Variants in GOSR2 observed in about 807,000 individuals in gnomAD.
GOSR2 encodes the protein 27 kDa Golgi SNARE protein.
In GOSR2, 20 loss-of-function variants were observed where a neutral mutation model predicts 27.9. The ratio of observed to expected loss-of-function variants is 0.72; its 90% confidence interval spans 0.50 to 1.04. The LOEUF is 1.04. Ranked by LOEUF, GOSR2 falls within the 50% of genes least tolerant of loss-of-function variation. GOSR2 has a pLI of 0.00. For missense variants in GOSR2, 261 were observed against 270.5 expected (o/e 0.97, Z 0.25); for synonymous variants, 91 against 98.8 (o/e 0.92, Z 0.47).
downstream of GOSR2, among the ~76,000 whole-genome samples, chr17:46,942,612 C>T (rs955242857): frequency 9.2e-5 from 14 of 152,204 alleles, no homozygotes; most frequent in African/African-American, 3.1e-4. Flanking sequence ...GCAGACCCTT[C>T]AGATAGTATA....
intron 5 of GOSR2, chr17:46,936,314 A>AGTG: frequency 2.0e-6 from 2 of 985,396 alleles, no homozygotes; most frequent in Non-Finnish European, 2.4e-6. Context: ...ATGAAGAGCC[A>AGTG]GTGGGGGTTA....
At position 46,939,114 on chromosome 17, in the gene GOSR2, G is replaced by C; in HGVS notation, c.*354G>C. ...CACAGTGAGCCCTGTGTGCAGGACT[G>C]TCCACACGGTTCACACCTTGTCACC... On this transcript the variant is annotated 3_prime_UTR_variant, in exon 6 of 6. Coordinates refer to ENST00000640051, the MANE Select transcript of GOSR2 (RefSeq NM_004287.5). 1 of 1,186,184 alleles carries C rather than the reference G, an allele frequency of 8.4e-7. No homozygotes were observed. Among genetic ancestry groups the C allele is most frequent in the Non-Finnish European group, 1.1e-6 (1 of 941,472 alleles). The allele number at this position is 1,186,184 out of a possible 1,614,324, so 73.5% of individuals were successfully genotyped here. A position where few individuals can be genotyped will look rare whatever the true frequency, so the allele number is the denominator to read the frequency against.
intron 6 of GOSR2, among the ~76,000 whole-genome samples, chr17:46,962,596 T>G (rs1192153023): frequency 6.6e-6 from 1 of 152,182 alleles, no homozygotes; most frequent in African/African-American, 2.4e-5. Context: ...CTAGACTGTG[T>G]GGAGAAGCCA....
At chr17:46,926,904 A>C (rs1186711700) in intron 1 of GOSR2, among the ~76,000 whole-genome samples, 4 of 152,300 alleles carry the variant, frequency 2.6e-5, no homozygotes, top group Middle Eastern at 3.4e-3. Flanking sequence ...GTATGCCAGA[A>C]CCTCTCTAGG....
intron 5 of GOSR2, chr17:46,936,095 C>T (rs2088289323): frequency 4.1e-6 from 4 of 985,888 alleles, no homozygotes; most frequent in East Asian, 1.1e-4. Flanking sequence ...TGACACTCAC[C>T]TCCTGCTGAC....
At position 46,939,593 on chromosome 17, in the gene GOSR2, A is replaced by G. The variant is rs1282338461; in HGVS notation, c.*833A>G. On this transcript the variant is annotated 3_prime_UTR_variant, in exon 6 of 6. Coordinates refer to ENST00000640051, the MANE Select transcript of GOSR2 (RefSeq NM_004287.5). The stretch of plus-strand genomic sequence containing the variant: ...GTAGGCAAAGATTTGTGATTTTCCA[A>G]TTACAGTCTCAGCTCTAGTTTTAGT... 2.0e-6 allele frequency: 2 copies of G among 985,526 alleles called. No individual in the cohort carries two copies. The highest frequency in any genetic ancestry group is 2.4e-6 in the Non-Finnish European group (2 of 829,994). 61.0% of individuals were successfully genotyped at this position (985,526 alleles called of 1,614,324 possible).
At chr17:46,936,405 A>G (rs1037497868) in intron 5 of GOSR2, 1 of 985,340 alleles carries the variant, frequency 1.0e-6, no homozygotes, top group Non-Finnish European at 1.2e-6. Flanking sequence ...TGCCACCCAC[A>G]CTGATACCAG....
chr17:46,923,959 A>G (rs1371963447), intron 1 of GOSR2: 2 of 398,070 alleles, frequency 5.0e-6, no homozygotes, highest in Admixed American at 4.4e-5. Flanking sequence ...GAATTTTATG[A>G]TTTTTATTTT....
At chr17:46,954,597 A>G (rs1161849760) in intron 6 of GOSR2, among the ~76,000 whole-genome samples, 2 of 152,194 alleles carry the variant, frequency 1.3e-5, no homozygotes, top group African/African-American at 2.4e-5. Flanking sequence ...ATGACATTGA[A>G]TCTATAAATT....
At chr17:46,974,855 G>A (rs1421744222) in intron 6 of GOSR2, among the ~76,000 whole-genome samples, 1 of 152,194 alleles carries the variant, frequency 6.6e-6, no homozygotes, top group African/African-American at 2.4e-5. Flanking sequence ...TACAATGGGA[G>A]GAGCTACAAA....
At chr17:46,961,807 A>G (rs538575208) in intron 6 of GOSR2, among the ~76,000 whole-genome samples, 1 of 152,332 alleles carries the variant, frequency 6.6e-6, no homozygotes. Context: ...AACAAAATGT[A>G]CACCCTTTAT....
intron 6 of GOSR2, among the ~76,000 whole-genome samples, chr17:46,949,925 A>G (rs1358928103): frequency 6.6e-6 from 1 of 152,218 alleles, no homozygotes; most frequent in Admixed American, 6.5e-5. Context: ...CGGGGTGCCT[A>G]AGAGCAGACT....
intron 1 of GOSR2, among the ~76,000 whole-genome samples, chr17:46,926,213 A>G (rs2086470929): frequency 6.6e-6 from 1 of 152,202 alleles, no homozygotes; most frequent in African/African-American, 2.4e-5. Flanking sequence ...AATGAGCGAA[A>G]TGTAAAGGCA....
intron 6 of GOSR2, among the ~76,000 whole-genome samples, chr17:46,947,729 A>G (rs1352462858): frequency 6.6e-6 from 1 of 152,216 alleles, no homozygotes; most frequent in Non-Finnish European, 1.5e-5. Flanking sequence ...AAGTGGTAGC[A>G]AAAGTGCCTG....
Position 46,939,046 on chromosome 17 carries a change from G to GTGGCTTTTT in GOSR2, c.*293_*294insTTTGGCTTT. 7.9e-7 allele frequency: 1 copy of GTGGCTTTTT among 1,266,266 alleles called. No individual in the cohort carries two copies. The highest frequency in any genetic ancestry group is 1.5e-5 in the South Asian group (1 of 66,874). 78.4% of individuals were successfully genotyped at this position (1,266,266 alleles called of 1,614,324 possible). On this transcript the variant is annotated 3_prime_UTR_variant, in exon 6 of 6. Coordinates refer to ENST00000640051, the MANE Select transcript of GOSR2 (RefSeq NM_004287.5). ...CTGGGGGAGGGAAAGAATGGCTTTG[G>GTGGCTTTTT]TGGCTTTGTTCACATAGCTGATGCG...
At chr17:46,967,094 A>G (rs1408391382), downstream of GOSR2, 1 of 159,150 alleles carries the variant, frequency 6.3e-6, no homozygotes, top group East Asian at 1.8e-4. Flanking sequence ...CACAGGGAAG[A>G]CAGTTCTGGT....
At chr17:46,923,993 A>G in intron 1 of GOSR2, 1 of 397,054 alleles carries the variant, frequency 2.5e-6, no homozygotes, top group East Asian at 3.6e-5. Context: ...TACACAACAT[A>G]AGATTTACTG....
At position 46,932,118 on chromosome 17, in the gene GOSR2, A is replaced by G; in HGVS notation, c.255A>G (p.Arg85=). 1.2e-6 allele frequency: 2 copies of G among 1,614,064 alleles called. No individual in the cohort carries two copies. The highest frequency in any genetic ancestry group is 1.7e-6 in the Non-Finnish European group (2 of 1,179,924). Reference sequence around the variant, plus strand: ...TCCAGCACCTGCAGACTGCGCTCAGAAACTTCCAGCATCGGCGCCATGCAA... The same window carrying G: ...TCCAGCACCTGCAGACTGCGCTCAGGAACTTCCAGCATCGGCGCCATGCAA... The part of the protein sequence containing the change: ...YDVQHLQTAL[R]NFQHRRHARE... The change falls in exon 4 of 6, where the codon AGA becomes AGG. Residue 85 remains arginine (R), a synonymous_variant. Transcript: ENST00000640051.
intron 3 of GOSR2, chr17:46,931,776 AG>A (rs940675839): frequency 2.0e-6 from 1 of 494,106 alleles, no homozygotes; most frequent in African/African-American, 1.9e-5. Flanking sequence ...AGAAGAGGTC[AG>A]TGAGCCTGCT....
Sources: allele counts gnomAD v4.1 joint callset (sites outside exome capture counted in the v4.1 genomes callset), GRCh38; gene constraint gnomAD v4.1.1; transcripts MANE v1.5; gene names NCBI Gene and HGNC (gene_info 2026-07-23, HGNC 2026-07-21).